Variants in CDK14 observed in about 807,000 individuals in gnomAD.
CDK14 encodes the protein cyclin-dependent kinase 14.
A neutral mutation model predicts 60.7 loss-of-function variants in CDK14; 34 were observed. That is an observed-to-expected ratio of 0.56 (90% CI 0.43 to 0.75). The LOEUF (loss-of-function observed/expected upper bound fraction) is 0.75, where lower values mean the gene tolerates loss of function less well. CDK14 is among the 30% of genes least tolerant of loss of function. The probability of loss-of-function intolerance (pLI) is 0.00; values close to 1 mark genes in which losing one functional copy is unlikely to be tolerated. For synonymous variants in CDK14, 197 were observed against 203.7 expected (o/e 0.97, Z 0.28); for missense variants, 482 against 564.1 (o/e 0.85, Z 1.47).
chr7:90,748,791 A>G (rs996733845), intron 4 of CDK14, among the ~76,000 whole-genome samples: 2 of 152,008 alleles, frequency 1.3e-5, no homozygotes, highest in Non-Finnish European at 2.9e-5. Flanking sequence ...ATTTTCCTGT[A>G]TTGCCCAGGC....
chr7:90,873,837 T>G (rs1345481144), intron 6 of CDK14, among the ~76,000 whole-genome samples: 2 of 152,166 alleles, frequency 1.3e-5, no homozygotes, highest in Non-Finnish European at 2.9e-5. Flanking sequence ...TTTTTTCTCA[T>G]TCCTCCACTT....
chr7:91,071,158 G>A (rs577907882), intron 11 of CDK14, among the ~76,000 whole-genome samples: 5 of 152,256 alleles, frequency 3.3e-5, no homozygotes, highest in African/African-American at 4.8e-5. Context: ...GAAAAATGAA[G>A]TTATTGTTTG....
intron 12 of CDK14, among the ~76,000 whole-genome samples, chr7:91,111,018 G>A (rs577795021): frequency 2.0e-5 from 3 of 152,102 alleles, no homozygotes; most frequent in South Asian, 2.1e-4. Context: ...GAATGCTTTC[G>A]TTCCCTGTGG....
intron 8 of CDK14, among the ~76,000 whole-genome samples, chr7:90,952,926 C>A (rs73227068): frequency 1.3e-5 from 2 of 152,126 alleles, no homozygotes; most frequent in Non-Finnish European, 2.9e-5. Context: ...ATAGCAATAT[C>A]TTTACCAAAA....
chr7:91,111,815 G>A (rs916773731), intron 12 of CDK14, among the ~76,000 whole-genome samples: 15 of 152,112 alleles, frequency 9.9e-5, no homozygotes, highest in Non-Finnish European at 1.0e-4. Flanking sequence ...AGAAATAGAG[G>A]TTCCATGAAA....
chr7:91,139,642 T>C (rs1376602715), intron 14 of CDK14, among the ~76,000 whole-genome samples: 1 of 152,228 alleles, frequency 6.6e-6, no homozygotes, highest in African/African-American at 2.4e-5. Flanking sequence ...AAAGTTTGAA[T>C]GAATGATTTC....
chr7:90,650,652 A>T (rs1229312064), intron 2 of CDK14, among the ~76,000 whole-genome samples: 1 of 152,140 alleles, frequency 6.6e-6, no homozygotes, highest in East Asian at 1.9e-4. Flanking sequence ...TAAGGAAGGG[A>T]TCCAGTTTCA....
rs558886741 is a variant in CDK14 at position 91,193,534 on chromosome 7, T to A, written c.*29-13631T>A. Among the ~76,000 whole-genome samples the A allele has an allele frequency of 1.6e-3, 240 of 152,206 alleles. 1 individual carries two copies. The highest frequency in any genetic ancestry group is 6.8e-3 in the Middle Eastern group (2 of 294). On this transcript the variant is annotated intron_variant, in intron 14 of 14. Transcript: ENST00000380050. The stretch of plus-strand genomic sequence containing the variant: ...TTTACTGTCTTGGAAAAATATGCAA[T>A]TATAACATTTAGAGTCCATACAACT...
intron 13 of CDK14, among the ~76,000 whole-genome samples, chr7:91,116,901 C>A (rs1402632455): frequency 6.6e-6 from 1 of 151,638 alleles, no homozygotes; most frequent in African/African-American, 2.4e-5. Flanking sequence ...ATTAGAGTGT[C>A]CTGGGGCTGA....
At chr7:91,052,396 C>G (rs1797418040) in intron 11 of CDK14, among the ~76,000 whole-genome samples, 1 of 152,168 alleles carries the variant, frequency 6.6e-6, no homozygotes, top group Non-Finnish European at 1.5e-5. Flanking sequence ...TCTCATTGCC[C>G]TGCTAAAGAA....
At chr7:91,037,044 G>C (rs1212029603) in intron 10 of CDK14, among the ~76,000 whole-genome samples, 1 of 152,210 alleles carries the variant, frequency 6.6e-6, no homozygotes, top group Non-Finnish European at 1.5e-5. Flanking sequence ...TGATCTTATA[G>C]AAGTTTTTAT....
intron 2 of CDK14, among the ~76,000 whole-genome samples, chr7:90,614,510 A>G (rs1287863208): frequency 1.3e-5 from 2 of 152,096 alleles, no homozygotes; most frequent in African/African-American, 4.8e-5. Context: ...TTTATTTTCA[A>G]TGTGTAAAGT....
At chr7:91,083,753 G>A (rs1024660933) in intron 12 of CDK14, among the ~76,000 whole-genome samples, 13 of 152,172 alleles carry the variant, frequency 8.5e-5, no homozygotes, top group African/African-American at 2.9e-4. Flanking sequence ...CCAGGCCCTG[G>A]TGGGAGTCCT....
At chr7:90,683,601 G>GACC in intron 2 of CDK14, among the ~76,000 whole-genome samples, 1 of 152,230 alleles carries the variant, frequency 6.6e-6, no homozygotes, top group Non-Finnish European at 1.5e-5. Context: ...AGGAGCTTGA[G>GACC]ACCAGCCTGG....
intron 4 of CDK14, among the ~76,000 whole-genome samples, chr7:90,764,071 A>C (rs1367298808): frequency 3.3e-5 from 5 of 152,164 alleles, no homozygotes; most frequent in Non-Finnish European, 4.4e-5. Flanking sequence ...GATCCAACTG[A>C]GTATTTAGAG....
At chr7:90,713,437 A>G (rs1235665888) in intron 2 of CDK14, among the ~76,000 whole-genome samples, 1 of 150,920 alleles carries the variant, frequency 6.6e-6, no homozygotes, top group Non-Finnish European at 1.5e-5. Flanking sequence ...CTTGCTTTCT[A>G]TCCCCCTAAC....
At chr7:91,157,698 G>T (rs1241459537) in intron 14 of CDK14, among the ~76,000 whole-genome samples, 1 of 152,214 alleles carries the variant, frequency 6.6e-6, no homozygotes, top group Non-Finnish European at 1.5e-5. Context: ...ATGATGAGAA[G>T]TGACTGTAAT....
intron 2 of CDK14, among the ~76,000 whole-genome samples, chr7:90,605,287 C>T (rs141873287): frequency 0.013 from 1,937 of 152,260 alleles, 19 homozygotes; most frequent in Non-Finnish European, 0.021. Context: ...TTGGCTGTCA[C>T]GGTCTGCTGC....
At chr7:91,104,082 AAG>A (rs1799218317) in intron 12 of CDK14, among the ~76,000 whole-genome samples, 1 of 151,638 alleles carries the variant, frequency 6.6e-6, no homozygotes, top group Non-Finnish European at 1.5e-5. Context: ...TTTTTTTTAA[AAG>A]AGTTTCCATG....
Sources: allele counts gnomAD v4.1 joint callset (sites outside exome capture counted in the v4.1 genomes callset), GRCh38; gene constraint gnomAD v4.1.1; transcripts MANE v1.5; gene names NCBI Gene and HGNC (gene_info 2026-07-23, HGNC 2026-07-21).